The following DLG2 variants were observed in gnomAD, a reference collection of about 807,000 sequenced individuals.
The protein encoded by DLG2 is discs large MAGUK scaffold protein 2.
In DLG2, 45 loss-of-function variants were observed where a neutral mutation model predicts 132.5. That is an observed-to-expected ratio of 0.34 (90% CI 0.27 to 0.44). The LOEUF (loss-of-function observed/expected upper bound fraction) is 0.44. DLG2 is among the 20% of genes least tolerant of loss of function. DLG2 has a pLI of 1.00. For missense variants in DLG2, 1,045 were observed against 1,196.9 expected, an observed-to-expected ratio of 0.87 and a Z score of 1.87; for synonymous variants, 424 against 419.6, an observed-to-expected ratio of 1.01 and a Z score of -0.13.
intron 3 of DLG2, among the ~76,000 whole-genome samples, chr11:85,524,417 T>C (rs1176071136): frequency 6.6e-6 from 1 of 151,974 alleles, no homozygotes; most frequent in African/African-American, 2.4e-5. Flanking sequence ...TAAATAAAAA[T>C]GAAAATTTTT....
intron 20 of DLG2, among the ~76,000 whole-genome samples, chr11:83,539,231 C>T (rs1299467183): frequency 1.3e-5 from 2 of 152,144 alleles, no homozygotes; most frequent in Non-Finnish European, 2.9e-5. Context: ...TATTCATACT[C>T]TTCATCTCAT....
intron 4 of DLG2, among the ~76,000 whole-genome samples, chr11:85,167,426 G>A (rs548078886): frequency 2.8e-4 from 43 of 152,194 alleles, no homozygotes; most frequent in Non-Finnish European, 5.1e-4. Context: ...CCCAAAATAG[G>A]GCAATGTAGC....
At chr11:83,519,194 G>A (rs942718735) in intron 21 of DLG2, among the ~76,000 whole-genome samples, 1 of 152,198 alleles carries the variant, frequency 6.6e-6, no homozygotes, top group African/African-American at 2.4e-5. Context: ...GCAGCGGGGT[G>A]TACTGTAGAG....
chr11:84,796,835 T>A (rs1393974884), intron 6 of DLG2, among the ~76,000 whole-genome samples: 1 of 140,504 alleles, frequency 7.1e-6, no homozygotes, highest in Non-Finnish European at 1.6e-5. Context: ...TATTTTTTAT[T>A]ATATTTTATT....
intron 6 of DLG2, among the ~76,000 whole-genome samples, chr11:84,741,519 C>T (rs1001230573): frequency 2.6e-5 from 4 of 151,982 alleles, no homozygotes; most frequent in Admixed American, 6.6e-5. Context: ...CCACCACAAA[C>T]TCTCTCAGCC....
At chr11:85,224,467 T>A (rs1313384604) in intron 4 of DLG2, among the ~76,000 whole-genome samples, 1 of 152,198 alleles carries the variant, frequency 6.6e-6, no homozygotes, top group Non-Finnish European at 1.5e-5. Flanking sequence ...TTCTCCTGGC[T>A]GTACTGATTA....
chr11:84,944,669 A>G (rs1318161158), intron 6 of DLG2, among the ~76,000 whole-genome samples: 1 of 140,774 alleles, frequency 7.1e-6, no homozygotes, highest in Non-Finnish European at 1.5e-5. Context: ...CAGTGGCATG[A>G]TCTCGGCTCA....
At chr11:84,978,901 T>C (rs1037573658) in intron 6 of DLG2, among the ~76,000 whole-genome samples, 4 of 152,166 alleles carry the variant, frequency 2.6e-5, no homozygotes, top group Non-Finnish European at 5.9e-5. Context: ...GGGAAAATTT[T>C]TGCAATCTAC....
At chr11:83,564,028 T>G (rs526787) in intron 19 of DLG2, among the ~76,000 whole-genome samples, 71,601 of 151,798 alleles carry the variant, frequency 0.47, 17,417 homozygotes, top group Admixed American at 0.57. Context: ...TTGGCCAGAA[T>G]TTTTCAATTG....
rs147276857 is a variant in DLG2, at chr11:84,515,107, C to T, written c.519+19463G>A. Among the ~76,000 whole-genome samples the T allele has an allele frequency of 4.1e-4, 62 of 151,582 alleles. No homozygotes were observed. The East Asian group carries it at 0.012, about 29-fold the overall frequency. ...CATACCACTAGCAGAAATCACTTAG[C>T]CACAAAGCAAGACAACGAGAGAGGA... On this transcript the variant is annotated intron_variant, in intron 7 of 27. Coordinates refer to ENST00000376104, the MANE Select transcript of DLG2 (RefSeq NM_001142699.3).
chr11:84,737,502 C>CAGAGAGAAAGAAAGAGACAG lies in DLG2; in HGVS notation c.358-202772_358-202771insCTGTCTCTTTCTTTCTCTCT, dbSNP rs1555196012. 6.1e-5 allele frequency among the ~76,000 whole-genome samples: 9 copies of CAGAGAGAAAGAAAGAGACAG among 147,104 alleles called. No homozygotes were observed. The South Asian group carries it at 6.5e-4, about 11-fold the overall frequency. On this transcript the variant is annotated intron_variant, in intron 6 of 27. Coordinates refer to ENST00000376104, the MANE Select transcript of DLG2 (RefSeq NM_001142699.3). ...GTCAAGAGAGAGAGAAAGAAAGAGA[C>CAGAGAGAAAGAAAGAGACAG]AGAGAGAGAGAGAGAGAGAGAGAGA...
At chr11:84,682,164 GC>G (rs1223131865) in intron 6 of DLG2, among the ~76,000 whole-genome samples, 4 of 152,112 alleles carry the variant, frequency 2.6e-5, no homozygotes, top group African/African-American at 7.2e-5. Context: ...CTCGCATTAA[GC>G]CCCACCTCCA....
intron 6 of DLG2, among the ~76,000 whole-genome samples, chr11:84,812,701 A>G (rs981934918): frequency 2.6e-4 from 40 of 152,160 alleles, no homozygotes; most frequent in Admixed American, 6.5e-5. Context: ...GCTTCTTTAA[A>G]ACAACATTGA....
intron 3 of DLG2, among the ~76,000 whole-genome samples, chr11:85,359,556 A>G (rs947192407): frequency 6.6e-6 from 1 of 152,326 alleles, no homozygotes. Context: ...AGAAATAAAG[A>G]TCAATAAGAC....
intron 11 of DLG2, among the ~76,000 whole-genome samples, chr11:84,034,773 C>T (rs953108545): frequency 6.6e-6 from 1 of 152,086 alleles, no homozygotes; most frequent in African/African-American, 2.4e-5. Flanking sequence ...AATCAGAAAG[C>T]CTCCTTATAG....
chr11:84,977,620 G>T (rs904982708), intron 6 of DLG2, among the ~76,000 whole-genome samples: 1 of 152,080 alleles, frequency 6.6e-6, no homozygotes, highest in East Asian at 1.9e-4. Context: ...AAAACCAAAC[G>T]CTACCCTTTT....
At chr11:84,934,463 A>ACATCCTCT (rs2048449083) in intron 6 of DLG2, among the ~76,000 whole-genome samples, 1 of 132,730 alleles carries the variant, frequency 7.5e-6, no homozygotes, top group South Asian at 2.4e-4. Context: ...TCTTCTTTGT[A>ACATCCTCT]CATCCTCTTT....
intron 6 of DLG2, among the ~76,000 whole-genome samples, chr11:85,106,686 T>C (rs896497951): frequency 2.0e-5 from 3 of 152,006 alleles, no homozygotes; most frequent in African/African-American, 4.8e-5. Context: ...AATCTCAAAA[T>C]ATCCTGTTGT....
At chr11:84,341,766 A>G (rs1346165676) in intron 7 of DLG2, among the ~76,000 whole-genome samples, 1 of 152,254 alleles carries the variant, frequency 6.6e-6, no homozygotes, top group Non-Finnish European at 1.5e-5. Context: ...GTGAAGTATC[A>G]ATCAGGTAGA....
Sources: allele counts gnomAD v4.1 joint callset (sites outside exome capture counted in the v4.1 genomes callset), GRCh38; gene constraint gnomAD v4.1.1; transcripts MANE v1.5; gene names NCBI Gene and HGNC (gene_info 2026-07-23, HGNC 2026-07-21).